DLG5: variants seen among roughly 807,000 people sequenced by gnomAD.
The protein encoded by DLG5 is discs large MAGUK scaffold protein 5.
In DLG5, 48 loss-of-function variants were observed where a neutral mutation model predicts 189.8. The ratio of observed to expected loss-of-function variants is 0.25; its 90% CI spans 0.20 to 0.32. The LOEUF (loss-of-function observed/expected upper bound fraction) is 0.32. Among genes scored for constraint, DLG5 ranks in the 10% least tolerant of loss-of-function variants. The pLI is 1.00. For synonymous variants in DLG5, 1,016 were observed against 1,054.1 expected, an observed-to-expected ratio of 0.96 and a Z score of 0.70; for missense variants, 2,160 against 2,544.7, an observed-to-expected ratio of 0.85 and a Z score of 3.25.
chr10:77,806,874 G>C lies in DLG5; in HGVS notation c.4851C>G (p.Asp1617Glu). Residue 1617 changes from aspartate (D) to glutamate (E), a missense_variant, in exon 26 of 32, where the codon GAC (aspartate) becomes GAG (glutamate). Physicochemically the swap from Asp to Glu is conservative, Grantham distance 45. This residue lies in a region of DLG5 where 574 missense variants were observed against 644.2 expected (regional missense o/e 0.89). Transcript: ENST00000372391. The stretch of plus-strand genomic sequence containing the variant: ...AGGTGTCATCCACGTAGAGGATGTC[G>C]TCCTTCTTAAAGCTCAACTCTTGCT... ...DVEQELSFKK[D>E]DILYVDDTLP... The C allele has an allele frequency of 6.2e-7, 1 of 1,613,722 alleles. No individual in the cohort carries two copies. The highest frequency in any genetic ancestry group is 8.5e-7 in the Non-Finnish European group (1 of 1,179,780).
At position 77,859,729 on chromosome 10, in the gene DLG5, T is replaced by C. The variant is rs149815936; in HGVS notation, c.374-2837A>G. 2.4e-3 allele frequency among the ~76,000 whole-genome samples: 360 copies of C among 152,340 alleles called. 2 individuals carry two copies. The highest frequency in any genetic ancestry group is 0.023 in the South Asian group (113 of 4,828). On this transcript the variant is annotated intron_variant, in intron 2 of 31. Coordinates refer to ENST00000372391, the MANE Select transcript of DLG5 (RefSeq NM_004747.4). ...CATTTCTCAGAATGTGTCCCTGTCA[T>C]TAAGCAACACAGACTGTGTTTAAAA... is the stretch of plus-strand genomic sequence containing the variant.
the DLG5 span, among the ~76,000 whole-genome samples, chr10:77,934,890 C>T: frequency 7.1e-6 from 1 of 139,938 alleles, no homozygotes; most frequent in African/African-American, 2.8e-5. Context: ...CAGAGTCTTG[C>T]TCTGTCGCCT....
intron 1 of DLG5, among the ~76,000 whole-genome samples, chr10:77,915,258 C>T (rs1045433694): frequency 6.7e-6 from 1 of 150,078 alleles, no homozygotes; most frequent in Non-Finnish European, 1.5e-5. Context: ...ACCCGGGGGA[C>T]GAAGGTTGCA....
chr10:77,797,952 T>C (rs111643067), intron 27 of DLG5, among the ~76,000 whole-genome samples: 2,387 of 152,252 alleles, frequency 0.016, 60 homozygotes, highest in African/African-American at 0.055. Flanking sequence ...TTTGGGAGGC[T>C]GAGGCAGGTG....
At chr10:77,834,784 G>A (rs1272094466) in intron 8 of DLG5, among the ~76,000 whole-genome samples, 1 of 152,116 alleles carries the variant, frequency 6.6e-6, no homozygotes, top group Non-Finnish European at 1.5e-5. Flanking sequence ...CGTGGAAGGG[G>A]TCTGAGCAGA....
Position 77,830,280 on chromosome 10 carries a change from G to C in DLG5, c.1946C>G (p.Pro649Arg). Reference protein sequence around the residue: ...MAEGVNEPCFPGDCGIFVTKV... With the variant: ...MAEGVNEPCFRGDCGIFVTKV... ...AGTGACAAATATGCCACAGTCCCCC[G>C]GGAAACAAGGCTCATTCACACCTTC... The change falls in exon 11 of 32, where the codon CCG becomes CGG. Residue 649 changes from proline (P) to arginine (R), a missense_variant. Physicochemically the swap from Pro to Arg is moderately radical, Grantham distance 103. This residue lies in a region of DLG5 where 107 missense variants were observed against 214.5 expected (regional missense o/e 0.50). Transcript: ENST00000372391. The C allele has an allele frequency of 6.8e-6, 11 of 1,614,146 alleles. No individual in the cohort carries two copies. The highest frequency in any genetic ancestry group is 9.3e-6 in the Non-Finnish European group (11 of 1,180,024).
the DLG5 span, among the ~76,000 whole-genome samples, chr10:77,935,269 G>C: frequency 1.3e-5 from 2 of 152,046 alleles, no homozygotes; most frequent in Non-Finnish European, 2.9e-5. Flanking sequence ...ACATCGACTT[G>C]TTCATTATTG....
At position 77,835,937 on chromosome 10, in the gene DLG5, G is replaced by C. The variant is rs764283363; in HGVS notation, c.1438-15C>G. The C allele has an allele frequency of 6.2e-7, 1 of 1,602,198 alleles. No homozygotes were observed. The highest frequency in any genetic ancestry group is 8.5e-7 in the Non-Finnish European group (1 of 1,170,920). On this transcript the variant is annotated splice_polypyrimidine_tract_variant and intron_variant, in intron 7 of 31. Coordinates refer to ENST00000372391, the MANE Select transcript of DLG5 (RefSeq NM_004747.4). ...GTGTCTTTGATCTGGTGGGAGCAAG[G>C]GGCAGGAAGAGGGAGAGGTTGCTGA...
the DLG5 span, among the ~76,000 whole-genome samples, chr10:77,933,482 T>C: frequency 1.3e-5 from 2 of 151,956 alleles, no homozygotes; most frequent in South Asian, 4.1e-4. Context: ...TTAGTACAGA[T>C]GGGGTTTCAC....
At chr10:77,859,467 A>AT (rs1175832529) in intron 2 of DLG5, among the ~76,000 whole-genome samples, 1 of 152,070 alleles carries the variant, frequency 6.6e-6, no homozygotes, top group East Asian at 1.9e-4. Context: ...CAGGTGGACC[A>AT]TTTTTTATCT....
At chr10:77,816,877 G>A in intron 19 of DLG5, 130 bp downstream of exon 19, 1 of 1,364,566 alleles carries the variant, frequency 7.3e-7, no homozygotes, top group South Asian at 1.3e-5. Context: ...CAGGCCTACT[G>A]CTGGGCTCAG....
chr10:77,881,796 A>G (rs1845289314), intron 1 of DLG5, among the ~76,000 whole-genome samples: 1 of 152,182 alleles, frequency 6.6e-6, no homozygotes, highest in Non-Finnish European at 1.5e-5. Context: ...AGGTAAGCTG[A>G]GTCATCAGCC....
At chr10:77,939,968 C>G in the DLG5 span, among the ~76,000 whole-genome samples, 1 of 152,218 alleles carries the variant, frequency 6.6e-6, no homozygotes, top group African/African-American at 2.4e-5. Flanking sequence ...CCTGTAGCAA[C>G]CAATTCAGAA....
intron 1 of DLG5, among the ~76,000 whole-genome samples, chr10:77,886,384 CT>C (rs11408820): frequency 4.4e-4 from 64 of 143,862 alleles, no homozygotes; most frequent in Non-Finnish European, 5.5e-4. Flanking sequence ...AGTAATGTTG[CT>C]TTTTTTTTTT....
At chr10:77,877,909 C>A (rs1247134497) in intron 1 of DLG5, among the ~76,000 whole-genome samples, 2 of 152,188 alleles carry the variant, frequency 1.3e-5, no homozygotes, top group Non-Finnish European at 2.9e-5. Flanking sequence ...CAAACCCAGA[C>A]AGGAAATCTG....
In DLG5 at chr10:77,796,754, G is replaced by A. The variant is rs76489996; in HGVS notation, c.5165-160C>T. ...CGTGTCCCAGGCACAACCGGGCATC[G>A]TCACCCCTGGAGTCCAGCATGAGCA... On this transcript the variant is annotated intron_variant, in intron 27 of 31. Coordinates refer to ENST00000372391, the MANE Select transcript of DLG5 (RefSeq NM_004747.4). The surrounding 1 kb of genome is among the most constrained non-coding windows in gnomAD (Gnocchi z 5.2). Among the ~76,000 whole-genome samples, 3,607 of 152,218 alleles carry A rather than the reference G, an allele frequency of 0.024. 78 individuals carry two copies. Among genetic ancestry groups the A allele is most frequent in the Middle Eastern group, 0.048 (14 of 294 alleles).
At chr10:77,901,540 G>A (rs1298665378) in intron 1 of DLG5, among the ~76,000 whole-genome samples, 1 of 152,212 alleles carries the variant, frequency 6.6e-6, no homozygotes, top group African/African-American at 2.4e-5. Flanking sequence ...CTGCTGCATC[G>A]CATCAGAAAG....
At chr10:77,873,579 G>T (rs1844989479) in intron 1 of DLG5, among the ~76,000 whole-genome samples, 1 of 152,108 alleles carries the variant, frequency 6.6e-6, no homozygotes, top group South Asian at 2.1e-4. Context: ...ATAATGGAAT[G>T]CCCCAGCCCT....
intron 13 of DLG5, among the ~76,000 whole-genome samples, chr10:77,826,604 G>A: frequency 6.6e-6 from 1 of 152,112 alleles, no homozygotes; most frequent in Non-Finnish European, 1.5e-5. Context: ...ACTCCAGCCT[G>A]GGCAACAGAG....
Sources: gnomAD v4.1 joint callset for allele counts (sites outside exome capture counted in the v4.1 genomes callset) on GRCh38, gnomAD v4.1.1 for gene constraint, gnomAD v4.1.1 regional missense constraint, Gnocchi (gnomAD v3.1) non-coding constraint, MANE v1.5 for transcripts, NCBI Gene and HGNC (gene_info 2026-07-23, HGNC 2026-07-21) for gene names.